PIGP: variants seen among roughly 807,000 people sequenced by gnomAD.
PIGP encodes phosphatidylinositol N-acetylglucosaminyltransferase subunit P.
A neutral mutation model predicts 16.9 loss-of-function variants in PIGP; 12 were observed. That is an observed-to-expected ratio of 0.71 (90% CI 0.46 to 1.15). The LOEUF (loss-of-function observed/expected upper bound fraction) is 1.15. PIGP is among the 50% of genes most tolerant of loss of function. The pLI is 0.00. For synonymous variants in PIGP, 57 were observed against 54.7 expected (o/e 1.04, Z -0.18); for missense variants, 159 against 153.5 (o/e 1.04, Z -0.19).
intron 4 of PIGP, among the ~76,000 whole-genome samples, chr21:37,066,070 G>A (rs769513324): frequency 5.3e-5 from 8 of 151,280 alleles, no homozygotes; most frequent in Admixed American, 2.0e-4. Flanking sequence ...GTGACAGAGC[G>A]AGACTCCATC....
intron 3 of PIGP, among the ~76,000 whole-genome samples, chr21:37,068,431 GTTC>G (rs1334531971): frequency 2.6e-5 from 4 of 151,560 alleles, no homozygotes; most frequent in Non-Finnish European, 5.9e-5. Flanking sequence ...ATAGCATTCT[GTTC>G]TTGTTTCATA....
chr21:37,068,010 G>GTTT (rs60120833), intron 3 of PIGP, among the ~76,000 whole-genome samples: 4 of 148,116 alleles, frequency 2.7e-5, no homozygotes, highest in African/African-American at 7.4e-5. Flanking sequence ...TTCATTGAGT[G>GTTT]TTTTTTTTTT....
At chr21:37,068,150 C>A (rs2069938581) in intron 3 of PIGP, among the ~76,000 whole-genome samples, 1 of 151,712 alleles carries the variant, frequency 6.6e-6, no homozygotes, top group Non-Finnish European at 1.5e-5. Context: ...CACACCACCA[C>A]ACCTGGCTAA....
At chr21:37,072,186 G>C (rs914207759) in intron 2 of PIGP, 1 of 1,515,488 alleles carries the variant, frequency 6.6e-7, no homozygotes, top group Non-Finnish European at 9.2e-7. Flanking sequence ...CTTAAGGGCA[G>C]GGACCAGGCT....
chr21:37,071,994 C>T (rs1830033701), intron 2 of PIGP: 2 of 676,746 alleles, frequency 3.0e-6, no homozygotes, highest in Admixed American at 4.2e-5. Flanking sequence ...AAGGCCTTTC[C>T]ACTTCTTCCC....
intron 2 of PIGP, among the ~76,000 whole-genome samples, chr21:37,071,699 G>A (rs566580070): frequency 1.1e-4 from 16 of 152,212 alleles, no homozygotes; most frequent in African/African-American, 3.1e-4. Flanking sequence ...GTTGGATCAC[G>A]GGCACTCAAT....
chr21:37,066,252 C>A (rs868683488), intron 4 of PIGP, among the ~76,000 whole-genome samples: 21 of 152,096 alleles, frequency 1.4e-4, no homozygotes, highest in African/African-American at 4.6e-4. Flanking sequence ...AGAATTATAT[C>A]CAGGCCTTGA....
rs2070006463 is a variant in PIGP at position 37,071,279 on chromosome 21, A to C, written c.82+1155T>G. 1.3e-5 allele frequency among the ~76,000 whole-genome samples: 2 copies of C among 152,350 alleles called. 1 individual carries two copies. Among genetic ancestry groups the C allele is most frequent in the South Asian group, 4.1e-4 (2 of 4,832 alleles). On this transcript the variant is annotated intron_variant, in intron 2 of 4. Transcript: ENST00000360525. The stretch of plus-strand genomic sequence containing the variant: ...AAGAGGCAGCAGAGTGAAGTCAGCC[A>C]GTGTATTTGGGTTCAAATTTAGAAG...
At chr21:37,072,678 G>GTCCGCAA in intron 1 of PIGP, 141 bp from the exon 2 acceptor site, 1 of 1,448,050 alleles carries the variant, frequency 6.9e-7, no homozygotes, top group Non-Finnish European at 9.5e-7. Context: ...CCGCGCCCCC[G>GTCCGCAA]CCTCGAGCGC....
At chr21:37,072,412 C>A in intron 2 of PIGP, 22 bp downstream of exon 2, 2 of 1,613,606 alleles carry the variant, frequency 1.2e-6, no homozygotes, top group South Asian at 2.2e-5. Context: ...AGCCCCTGGC[C>A]ATCCATCAGG....
chr21:37,065,980 G>C (rs1218721836), intron 4 of PIGP, among the ~76,000 whole-genome samples: 1 of 152,170 alleles, frequency 6.6e-6, no homozygotes, highest in Non-Finnish European at 1.5e-5. Context: ...CTACTCGGGA[G>C]GCTGAGGCAG....
chr21:37,065,578 C>T lies in PIGP; in HGVS notation c.*4G>A. 1 of 1,612,090 alleles carries T rather than the reference C, an allele frequency of 6.2e-7. No individual in the cohort carries two copies. Among genetic ancestry groups the T allele is most frequent in the Non-Finnish European group, 8.5e-7 (1 of 1,179,156 alleles). On this transcript the variant is annotated 3_prime_UTR_variant, in exon 5 of 5. Transcript: ENST00000360525. The stretch of plus-strand genomic sequence containing the variant: ...TGCTTGGTGTTACTATGGTTACACA[C>T]AGTTCAGTTTTTGGTGTAAAGTTCT...
At chr21:37,065,783 C>A (rs1271803957) in intron 4 of PIGP, 71 bp from the exon 5 acceptor site, 2 of 1,376,208 alleles carry the variant, frequency 1.5e-6, no homozygotes, top group Non-Finnish European at 2.0e-6. Flanking sequence ...CTGATGGAGA[C>A]CCACCACATA....
Position 37,069,546 on chromosome 21 carries a change from A to G in PIGP, c.155+6T>C. On this transcript the variant is annotated splice_donor_region_variant and intron_variant, in intron 3 of 4. Coordinates refer to ENST00000360525, the MANE Select transcript of PIGP (RefSeq NM_153682.3). ...TATCCTCATTTAAGAAATATATTAAACTTACTTTTGAGGCCAATAGGTTAA... is the reference window on the plus strand; with the variant it reads ...TATCCTCATTTAAGAAATATATTAAGCTTACTTTTGAGGCCAATAGGTTAA... 6.6e-7 allele frequency: 1 copy of G among 1,511,294 alleles called. No individual in the cohort carries two copies. Among genetic ancestry groups the G allele is most frequent in the South Asian group, 1.2e-5 (1 of 81,080 alleles). The allele number at this position is 1,511,294 out of a possible 1,614,324, so 93.6% of individuals were successfully genotyped here. A position where few individuals can be genotyped will look rare whatever the true frequency, so the allele number is the denominator to read the frequency against.
At chr21:37,069,442 C>G (rs1004368839) in intron 3 of PIGP, 110 bp downstream of exon 3, 2 of 619,494 alleles carry the variant, frequency 3.2e-6, no homozygotes, top group Non-Finnish European at 5.5e-6. Context: ...TATGGCTATT[C>G]ATGAATTTTA....
At chr21:37,072,767 G>T (rs1428302534) in intron 1 of PIGP, 1 of 631,106 alleles carries the variant, frequency 1.6e-6, no homozygotes, top group Non-Finnish European at 2.7e-6. Flanking sequence ...GTTCTGGGGC[G>T]ATAGACGCGC....
chr21:37,072,851 C>T, intron 1 of PIGP, 149 bp downstream of exon 1: 1 of 465,706 alleles, frequency 2.1e-6, no homozygotes, highest in Non-Finnish European at 3.8e-6. Flanking sequence ...CGCCCACCAG[C>T]ATGCGGGCCT....
chr21:37,069,444 T>C (rs184691648), intron 3 of PIGP, 108 bp downstream of exon 3: 256 of 638,732 alleles, frequency 4.0e-4, no homozygotes, highest in Non-Finnish European at 5.2e-4. Context: ...TGGCTATTCA[T>C]GAATTTTAAG....
At chr21:37,066,124 T>A (rs896836767) in intron 4 of PIGP, among the ~76,000 whole-genome samples, 8 of 151,354 alleles carry the variant, frequency 5.3e-5, no homozygotes, top group South Asian at 2.1e-4. Flanking sequence ...TAAATAAAAA[T>A]AAAAAAATAA....
Sources: allele counts gnomAD v4.1 joint callset (sites outside exome capture counted in the v4.1 genomes callset), GRCh38; gene constraint gnomAD v4.1.1; transcripts MANE v1.5; gene names NCBI Gene and HGNC (gene_info 2026-07-23, HGNC 2026-07-21).